Variants in PKP1 observed in about 807,000 individuals in gnomAD.
PKP1 encodes the protein plakophilin-1.
Under a neutral mutation model 76.4 loss-of-function variants are expected in PKP1, and 27 were observed. That is an observed-to-expected ratio of 0.35 (90% confidence interval 0.26 to 0.49). The LOEUF is 0.49. Among genes scored for constraint, PKP1 ranks in the 20% least tolerant of loss-of-function variants. The pLI is 0.99. For synonymous variants in PKP1, 404 were observed against 384.2 expected, an observed-to-expected ratio of 1.05 and a Z score of -0.60; for missense variants, 964 against 955.2, an observed-to-expected ratio of 1.01 and a Z score of -0.12.
intron 1 of PKP1, among the ~76,000 whole-genome samples, chr1:201,291,375 G>A (rs1655913325): frequency 6.6e-6 from 1 of 152,218 alleles, no homozygotes; most frequent in Non-Finnish European, 1.5e-5. Flanking sequence ...TTTGGGAACT[G>A]CAGGGCATTC....
At position 201,309,159 on chromosome 1, in the gene PKP1, CACTGAG is replaced by C. The variant is rs149246572; in HGVS notation, c.307-4002_307-3997del. 5.2e-3 allele frequency among the ~76,000 whole-genome samples: 784 copies of C among 152,120 alleles called. 6 individuals are homozygous for C. Among genetic ancestry groups the C allele is most frequent in the African/African-American group, 0.018 (728 of 41,482 alleles). On this transcript the variant is annotated intron_variant, in intron 2 of 13. Transcript: ENST00000367324. ...CCTGGATCTGGGGCTTGTATTGCTT[CACTGAG>C]ACTGTCTCCTTGCCTATAAAGGAGG...
intron 3 of PKP1, among the ~76,000 whole-genome samples, chr1:201,314,474 AAACAAC>A (rs578129244): frequency 1.3e-5 from 2 of 152,070 alleles, no homozygotes; most frequent in Non-Finnish European, 2.9e-5. Flanking sequence ...ACAAACAAAC[AAACAAC>A]AACAACAACA....
chr1:201,317,648 C>A lies in PKP1; in HGVS notation c.923C>A (p.Ala308Glu). The A allele has an allele frequency of 6.2e-7, 1 of 1,614,038 alleles. No individual in the cohort carries two copies. The highest frequency in any genetic ancestry group is 8.5e-7 in the Non-Finnish European group (1 of 1,180,008). ...SPNQNVQQAA[A>E]GALRNLVFRS... The stretch of plus-strand genomic sequence containing the variant: ...AACCAGAACGTCCAGCAGGCCGCGG[C>A]AGGGGCCCTGCGCAACCTGGTGTTC... The change falls in exon 5 of 14, where the codon GCA becomes GAA. Residue 308 changes from alanine to glutamate, a missense_variant. By Grantham distance (107) the Ala-to-Glu change is moderately radical. Transcript: ENST00000367324.
Position 201,325,056 on chromosome 1 carries a change from G to T in PKP1, c.1950G>T (p.Ser650=). The T allele has an allele frequency of 6.2e-7, 1 of 1,613,678 alleles. No individual in the cohort carries two copies. The highest frequency in any genetic ancestry group is 8.5e-7 in the Non-Finnish European group (1 of 1,179,956). Residue 650 remains serine (S), a synonymous_variant, in exon 11 of 14, where the codon TCG becomes TCT. Transcript: ENST00000367324. Reference sequence around the variant, plus strand: ...ACACTGTGAGGAACCTGATGGCCTCGCAGCCACAACTGGCCAAGCAGTACT... The same window carrying T: ...ACACTGTGAGGAACCTGATGGCCTCTCAGCCACAACTGGCCAAGCAGTACT... ...ACYTVRNLMA[S]QPQLAKQYFS... is the part of the protein sequence containing the mutation.
Position 201,299,458 on chromosome 1 carries a change from C to A in PKP1, c.306+5413C>A, listed in dbSNP as rs10920167. ...TGGACTTCACCTCTCTAGACCCTGG[C>A]TTTCTCAATTATGGAGCAAGGCAAT... On this transcript the variant is annotated intron_variant, in intron 2 of 13. Coordinates refer to ENST00000367324, the MANE Select transcript of PKP1 (RefSeq NM_001005337.3). Among the ~76,000 whole-genome samples the A allele has an allele frequency of 8.9e-3, 1,351 of 152,258 alleles. 21 individuals are homozygous for A. Among genetic ancestry groups the A allele is most frequent in the African/African-American group, 0.031 (1,274 of 41,532 alleles).
In PKP1 at chr1:201,320,329, C is replaced by A; in HGVS notation, c.1295C>A (p.Ser432Tyr). The A allele has an allele frequency of 1.9e-6, 3 of 1,614,104 alleles. No individual in the cohort carries two copies. The highest frequency in any genetic ancestry group is 2.5e-6 in the Non-Finnish European group (3 of 1,179,916). Residue 432 changes from serine (S) to tyrosine (Y), a missense_variant, in exon 7 of 14, where the codon TCC (serine) becomes TAC (tyrosine). Coordinates refer to ENST00000367324, the MANE Select transcript of PKP1 (RefSeq NM_001005337.3). ...TMRNYSGLID[S>Y]LMAYVQNCVA... The stretch of plus-strand genomic sequence containing the variant: ...CGTAACTACTCAGGGCTCATTGATT[C>A]CCTCATGGCCTATGTCCAGAACTGT...
intron 2 of PKP1, among the ~76,000 whole-genome samples, chr1:201,303,715 T>C (rs982877633): frequency 6.6e-6 from 1 of 152,194 alleles, no homozygotes; most frequent in African/African-American, 2.4e-5. Context: ...GTAATCAAAA[T>C]GGGAAAAAGA....
intron 6 of PKP1, chr1:201,320,064 T>A: frequency 1.4e-6 from 1 of 714,118 alleles, no homozygotes; most frequent in Non-Finnish European, 2.5e-6. Flanking sequence ...TCTTTTCCTC[T>A]CTTCATTCCT....
intron 13 of PKP1, among the ~76,000 whole-genome samples, 185 bp downstream of exon 13, chr1:201,329,053 G>A (rs942548811): frequency 2.0e-5 from 3 of 152,196 alleles, no homozygotes; most frequent in Admixed American, 6.5e-5. Flanking sequence ...CCCTCAGGAC[G>A]TTAGGGGTGT....
At chr1:201,304,288 G>A (rs1656313988) in intron 2 of PKP1, among the ~76,000 whole-genome samples, 1 of 152,158 alleles carries the variant, frequency 6.6e-6, no homozygotes, top group Non-Finnish European at 1.5e-5. Flanking sequence ...TCAGCTTCAG[G>A]TACCAGCTTT....
chr1:201,314,330 C>T (rs776983817), intron 3 of PKP1, among the ~76,000 whole-genome samples: 7 of 152,104 alleles, frequency 4.6e-5, no homozygotes, highest in South Asian at 2.1e-4. Flanking sequence ...AGCATGGTGG[C>T]GGGTGCCTGT....
At chr1:201,305,891 G>C (rs776972285) in intron 2 of PKP1, among the ~76,000 whole-genome samples, 6 of 152,190 alleles carry the variant, frequency 3.9e-5, no homozygotes, top group Admixed American at 1.3e-4. Context: ...AATTGAACCA[G>C]CCTCTGGGTT....
intron 4 of PKP1, 43 bp downstream of exon 4, chr1:201,316,740 G>T (rs139066964): frequency 6.8e-6 from 11 of 1,608,450 alleles, no homozygotes; most frequent in Admixed American, 3.3e-5. Flanking sequence ...CCTGCGGAGG[G>T]CCTGGGTGTG....
chr1:201,323,418 C>T lies in PKP1; in HGVS notation c.1680+229C>T, dbSNP rs548019398. Among the ~76,000 whole-genome samples, 6 of 90,706 alleles carry T rather than the reference C, an allele frequency of 6.6e-5. No homozygotes were observed. In the South Asian group the frequency reaches 1.3e-3, roughly 19 times the overall value. 59.5% of individuals were successfully genotyped at this position (90,706 alleles called of 152,430 possible). A position where few individuals can be genotyped will look rare whatever the true frequency, so the allele number is the denominator to read the frequency against. On this transcript the variant is annotated intron_variant, in intron 9 of 13. Transcript: ENST00000367324. ...TGGGCCCACTGATGCTGGATTCTGT[C>T]CATGCACACACAATCCCCTTGGCCA...
chr1:201,315,526 A>C (rs1371042939), intron 3 of PKP1, among the ~76,000 whole-genome samples: 1 of 152,208 alleles, frequency 6.6e-6, no homozygotes, highest in African/African-American at 2.4e-5. Context: ...AAGGCTTCAC[A>C]GATGTGGGGC....
chr1:201,297,292 C>A (rs1656104360), intron 2 of PKP1, among the ~76,000 whole-genome samples: 1 of 152,142 alleles, frequency 6.6e-6, no homozygotes, highest in Non-Finnish European at 1.5e-5. Context: ...GCCACCCCAG[C>A]CTCCTCCTCC....
At chr1:201,325,263 C>T in intron 11 of PKP1, 136 bp downstream of exon 11, 1 of 896,928 alleles carries the variant, frequency 1.1e-6, no homozygotes, top group Admixed American at 1.9e-5. Context: ...ACGGGGGAGG[C>T]TTGAATGGAG....
chr1:201,322,076 C>G lies in PKP1; in HGVS notation c.1446C>G (p.Asn482Lys), dbSNP rs146580475. ...RYRQLEYNAR[N>K]AYTEKSSTGC... is the part of the protein sequence containing the mutation. ...GCCAGCTGGAGTATAACGCCCGCAA[C>G]GCCTACACCGAGAAGTCCTCCACTG... Residue 482 changes from asparagine (N) to lysine (K), a missense_variant, in exon 8 of 14, where the codon AAC becomes AAG. Asn to Lys is a moderately conservative substitution (Grantham distance 94). Transcript: ENST00000367324. 1.2e-6 allele frequency: 2 copies of G among 1,613,268 alleles called. No homozygotes were observed. Among genetic ancestry groups the G allele is most frequent in the East Asian group, 4.5e-5 (2 of 44,862 alleles).
chr1:201,318,230 C>T (rs1043709790), intron 5 of PKP1, among the ~76,000 whole-genome samples: 5 of 152,178 alleles, frequency 3.3e-5, no homozygotes, highest in African/African-American at 1.2e-4. Flanking sequence ...CTGGGAAGAT[C>T]AGACCATGTA....
Sources: allele counts gnomAD v4.1 joint callset (sites outside exome capture counted in the v4.1 genomes callset), GRCh38; gene constraint gnomAD v4.1.1; transcripts MANE v1.5; gene names NCBI Gene and HGNC (gene_info 2026-07-23, HGNC 2026-07-21).